The following ZNF28 variants were observed in gnomAD, a reference collection of about 807,000 sequenced individuals.
ZNF28 encodes the protein zinc finger protein KOX24.
In ZNF28, 5 loss-of-function variants were observed where a neutral mutation model predicts 7.2. That is an observed-to-expected ratio of 0.70 (90% CI 0.36 to 1.46). The LOEUF (loss-of-function observed/expected upper bound fraction) is 1.46, where lower values mean the gene tolerates loss of function less well. Ranked by LOEUF, ZNF28 falls within the 40% of genes most tolerant of loss-of-function variation. The pLI is 0.03. For synonymous variants in ZNF28, 288 were observed against 292.4 expected, an observed-to-expected ratio of 0.99 and a Z score of 0.15; for missense variants, 879 against 866.6, an observed-to-expected ratio of 1.01 and a Z score of -0.18.
rs750476788 is a variant in ZNF28, at chr19:52,801,005, A to T, written c.840T>A (p.Phe280Leu). 2 of 1,614,082 alleles carry T rather than the reference A, an allele frequency of 1.2e-6. No homozygotes were observed. Among genetic ancestry groups the T allele is most frequent in the South Asian group, 1.1e-5 (1 of 91,074 alleles). The change falls in exon 4 of 4, where the codon TTT becomes TTA. Residue 280 changes from phenylalanine (F) to leucine (L), a missense_variant. Phe to Leu is a conservative substitution (Grantham distance 22). Around this residue, in one of 2 missense-constraint regions of ZNF28, gnomAD observed 864 missense variants for 830.2 expected, o/e 1.04. Transcript: ENST00000457749. ...PYKCNECGKI[F>L]GHNTSLFLHK... Reference sequence around the variant, plus strand: ...GAAGGAAGAGGGATGTATTGTGACCAAAGATCTTGCCACACTCATTACACT... The same window carrying T: ...GAAGGAAGAGGGATGTATTGTGACCTAAGATCTTGCCACACTCATTACACT...
At chr19:52,811,119 C>T (rs1454039455) in intron 2 of ZNF28, among the ~76,000 whole-genome samples, 2 of 150,484 alleles carry the variant, frequency 1.3e-5, no homozygotes, top group East Asian at 2.0e-4. Context: ...GTCTCCAGCT[C>T]CTAACCACGA....
At chr19:52,805,668 A>AAATAAATAAATG (rs1470922016) in intron 3 of ZNF28, 1 of 151,402 alleles carries the variant, frequency 6.6e-6, no homozygotes, top group East Asian at 1.9e-4. Flanking sequence ...ATAAATAAAT[A>AAATAAATAAATG]AAGTTCTCCA....
chr19:52,816,373 T>G (rs2063123956), intron 2 of ZNF28, among the ~76,000 whole-genome samples: 2 of 145,752 alleles, frequency 1.4e-5, no homozygotes, highest in Non-Finnish European at 1.5e-5. Context: ...ACAAAAAAAT[T>G]AGCCAGGCAA....
intron 3 of ZNF28, chr19:52,807,779 A>G: frequency 1.3e-6 from 1 of 771,114 alleles, no homozygotes; most frequent in Non-Finnish European, 2.0e-6. Context: ...CCAGGCTGCC[A>G]TAAAGTTTTA....
chr19:52,810,468 G>A (rs947571468), intron 2 of ZNF28: 7 of 1,590,644 alleles, frequency 4.4e-6, no homozygotes, highest in African/African-American at 1.3e-5. Flanking sequence ...GAGTCAGTGA[G>A]GACTTCCTTG....
chr19:52,820,666 A>C (rs2063185762), intron 1 of ZNF28, among the ~76,000 whole-genome samples: 1 of 104,506 alleles, frequency 9.6e-6, no homozygotes, highest in Non-Finnish European at 2.3e-5. Context: ...CCTCTCCCTC[A>C]CTCTGATGAG....
chr19:52,803,167 C>T (rs1353033278), intron 3 of ZNF28, among the ~76,000 whole-genome samples: 1 of 152,198 alleles, frequency 6.6e-6, no homozygotes, highest in East Asian at 1.9e-4. Context: ...GCAACCTCTG[C>T]CTTGGGGTTC....
At chr19:52,806,800 T>G (rs1003604609) in intron 3 of ZNF28, among the ~76,000 whole-genome samples, 2 of 151,796 alleles carry the variant, frequency 1.3e-5, no homozygotes, top group African/African-American at 4.8e-5. Flanking sequence ...TACTCAGGAA[T>G]CTGGGGCATA....
At chr19:52,816,659 C>A (rs1278347100) in intron 2 of ZNF28, among the ~76,000 whole-genome samples, 4 of 85,068 alleles carry the variant, frequency 4.7e-5, no homozygotes, top group Admixed American at 3.5e-4. Context: ...GTGAAAACAT[C>A]ATCTCAAAAA....
In ZNF28 at chr19:52,800,484, A is replaced by G; in HGVS notation, c.1361T>C (p.Leu454Pro). 1 of 1,613,574 alleles carries G rather than the reference A, an allele frequency of 6.2e-7. No homozygotes were observed. Among genetic ancestry groups the G allele is most frequent in the South Asian group, 1.1e-5 (1 of 91,034 alleles). The change falls in exon 4 of 4, where the codon CTT (leucine) becomes CCT (proline). Residue 454 changes from leucine to proline, a missense_variant. Around this residue, in one of 2 missense-constraint regions of ZNF28, gnomAD observed 864 missense variants for 830.2 expected, o/e 1.04. Coordinates refer to ENST00000457749, the MANE Select transcript of ZNF28 (RefSeq NM_006969.5). Reference sequence around the variant, plus strand: ...AGTATGAAGTCTATGATGGCGTGCAAGAGTTGATTGTTGATTAAAAACCTT... The same window carrying G: ...AGTATGAAGTCTATGATGGCGTGCAGGAGTTGATTGTTGATTAAAAACCTT... The part of the protein sequence containing the change: ...CGKVFNQQST[L>P]ARHHRLHTAE...
At chr19:52,807,915 C>A (rs2062956506) in intron 3 of ZNF28, 92 bp downstream of exon 3, 1 of 1,577,428 alleles carries the variant, frequency 6.3e-7, no homozygotes, top group African/African-American at 1.4e-5. Flanking sequence ...AATACGGCTT[C>A]CATTTTAGTC....
At chr19:52,810,937 C>T (rs1480891443) in intron 2 of ZNF28, among the ~76,000 whole-genome samples, 5 of 126,310 alleles carry the variant, frequency 4.0e-5, no homozygotes, top group Non-Finnish European at 1.6e-5. Flanking sequence ...CCTCTGATGC[C>T]GAGCCAAAGC....
Position 52,808,088 on chromosome 19 carries a change from C to T in ZNF28, c.61G>A (p.Glu21Lys), listed in dbSNP as rs1176209787. Residue 21 changes from glutamate to lysine, a missense_variant, in exon 3 of 4, where the codon GAG (glutamate) becomes AAG (lysine). Transcript: ENST00000457749. ...TGAGCAGGGTCCAGGCATTTCCACT[C>T]CTCCTGAGAGAATTCTATGGCCACG... Reference protein sequence around the residue: ...RDVAIEFSQEEWKCLDPAQRT... With the variant: ...RDVAIEFSQEKWKCLDPAQRT... The T allele has an allele frequency of 7.4e-6, 12 of 1,613,488 alleles. No homozygotes were observed. The highest frequency in any genetic ancestry group is 1.0e-5 in the Non-Finnish European group (12 of 1,179,546).
At position 52,800,164 on chromosome 19, in the gene ZNF28, T is replaced by G; in HGVS notation, c.1681A>C (p.Ser561Arg). 1 of 1,613,826 alleles carries G rather than the reference T, an allele frequency of 6.2e-7. No homozygotes were observed. Among genetic ancestry groups the G allele is most frequent in the Non-Finnish European group, 8.5e-7 (1 of 1,179,874 alleles). ...YKCEECEKVF[S>R]RKSHMERHRR... Reference sequence around the variant, plus strand: ...TGTCTTTCCATGTGTGATTTGCGACTGAAAACTTTCTCACATTCTTCACAT... The same window carrying G: ...TGTCTTTCCATGTGTGATTTGCGACGGAAAACTTTCTCACATTCTTCACAT... Residue 561 changes from serine (S) to arginine (R), a missense_variant, in exon 4 of 4, where the codon AGT becomes CGT. Transcript: ENST00000457749.
chr19:52,801,661 C>A lies in ZNF28; in HGVS notation c.184G>T (p.Gly62Trp). ...KCMMKTFFST[G>W]QGNTEAFHTG... ...TGGAACGCTTCTGTATTGCCTTGCC[C>A]TGTTGAGAAGAATGTCTTCATCATG... The change falls in exon 4 of 4, where the codon GGG (glycine) becomes TGG (tryptophan). Residue 62 changes from glycine (G) to tryptophan (W), a missense_variant. Physicochemically the swap from Gly to Trp is radical, Grantham distance 184. This residue lies in a region of ZNF28 where 864 missense variants were observed against 830.2 expected (regional missense o/e 1.04). Transcript: ENST00000457749. 4 of 1,612,398 alleles carry A rather than the reference C, an allele frequency of 2.5e-6. No individual in the cohort carries two copies. The South Asian group carries it at 4.4e-5, about 18-fold the overall frequency.
intron 2 of ZNF28, chr19:52,810,073 C>CTGGG: frequency 1.3e-6 from 1 of 754,248 alleles, no homozygotes; most frequent in Admixed American, 2.0e-5. Flanking sequence ...GCTCCAGGAC[C>CTGGG]TGGGCCTCGT....
At chr19:52,807,663 C>T (rs2062953248) in intron 3 of ZNF28, among the ~76,000 whole-genome samples, 1 of 152,184 alleles carries the variant, frequency 6.6e-6, no homozygotes, top group Admixed American at 6.6e-5. Context: ...TTAGTACAGA[C>T]AGGGTTTCTG....
At position 52,799,040 on chromosome 19, in the gene ZNF28, A is replaced by T. The variant is rs2062829306; in HGVS notation, c.*648T>A. The T allele has an allele frequency of 5.3e-6, 3 of 568,378 alleles. No individual in the cohort carries two copies. The highest frequency in any genetic ancestry group is 9.1e-6 in the Non-Finnish European group (3 of 329,338). The allele number at this position is 568,378 out of a possible 1,614,324, so 35.2% of individuals were successfully genotyped here. A position where few individuals can be genotyped will look rare whatever the true frequency, so the allele number is the denominator to read the frequency against. Reference sequence around the variant, plus strand: ...TTTGTATGTTTTTTCTCCAGTATGAATTCTCCTGTCTTTCAAGCTGTGATT... The same window carrying T: ...TTTGTATGTTTTTTCTCCAGTATGATTTCTCCTGTCTTTCAAGCTGTGATT... On this transcript the variant is annotated 3_prime_UTR_variant, in exon 4 of 4. Transcript: ENST00000457749.
intron 2 of ZNF28, among the ~76,000 whole-genome samples, chr19:52,816,859 A>AATAATG (rs2063132088): frequency 7.0e-6 from 1 of 142,096 alleles, no homozygotes; most frequent in African/African-American, 2.6e-5. Context: ...TAATAATAAT[A>AATAATG]ATAATAATAA....
Sources: gnomAD v4.1 joint callset for allele counts (sites outside exome capture counted in the v4.1 genomes callset) on GRCh38, gnomAD v4.1.1 for gene constraint, gnomAD v4.1.1 regional missense constraint, MANE v1.5 for transcripts, NCBI Gene and HGNC (gene_info 2026-07-23, HGNC 2026-07-21) for gene names.